The following TAFA2 variants were observed in gnomAD, a reference collection of about 807,000 sequenced individuals.
TAFA2 encodes the protein TAFA chemokine like family member 2, also known as chemokine-like protein TAFA-2.
Under a neutral mutation model 18.8 loss-of-function variants are expected in TAFA2, and 7 were observed. The ratio of observed to expected loss-of-function variants is 0.37; its 90% CI spans 0.21 to 0.70. TAFA2 has a LOEUF of 0.70. TAFA2 is among the 30% of genes least tolerant of loss of function. TAFA2 has a pLI of 0.53. For missense variants in TAFA2, 122 were observed against 158.1 expected, an observed-to-expected ratio of 0.77 and a Z score of 1.23; for synonymous variants, 60 against 54.2, an observed-to-expected ratio of 1.11 and a Z score of -0.47.
At chr12:61,917,089 T>C (rs1185410697) in intron 1 of TAFA2, among the ~76,000 whole-genome samples, 1 of 152,022 alleles carries the variant, frequency 6.6e-6, no homozygotes, top group Non-Finnish European at 1.5e-5. Flanking sequence ...TATACAAGGA[T>C]AGGAGAGGGA....
chr12:61,828,187 A>T (rs11174188), intron 2 of TAFA2, among the ~76,000 whole-genome samples: 9,513 of 151,908 alleles, frequency 0.063, 997 homozygotes, highest in African/African-American at 0.22. Flanking sequence ...TTAGTGTATC[A>T]TGTATTCTAC....
chr12:61,895,552 G>C lies in TAFA2; in HGVS notation c.-1-28126C>G, dbSNP rs182625718. On this transcript the variant is annotated intron_variant, in intron 1 of 4. Transcript: ENST00000416284. ...CCAAAGCAAGCACAAATACAGTGTGGTAAAGAGTTGGAGAGAACAGTTCAC... is the reference window on the plus strand; with the variant it reads ...CCAAAGCAAGCACAAATACAGTGTGCTAAAGAGTTGGAGAGAACAGTTCAC... Among the ~76,000 whole-genome samples the C allele has an allele frequency of 3.0e-4, 46 of 152,244 alleles. 1 individual carries two copies. Among genetic ancestry groups the C allele is most frequent in the Admixed American group, 2.9e-3 (45 of 15,288 alleles).
chr12:62,157,176 T>A (rs1365294998), intron 1 of TAFA2, among the ~76,000 whole-genome samples: 1 of 152,222 alleles, frequency 6.6e-6, no homozygotes, highest in African/African-American at 2.4e-5. Context: ...TTATCTTCAA[T>A]ATCCAACAAC....
chr12:61,740,780 T>C (rs1868408162), intron 4 of TAFA2, among the ~76,000 whole-genome samples: 1 of 151,252 alleles, frequency 6.6e-6, no homozygotes, highest in East Asian at 1.9e-4. Flanking sequence ...AAGCAGAACC[T>C]CAACAAAATA....
intron 2 of TAFA2, among the ~76,000 whole-genome samples, chr12:61,824,689 A>G (rs1453970815): frequency 6.6e-6 from 1 of 152,196 alleles, no homozygotes; most frequent in Non-Finnish European, 1.5e-5. Flanking sequence ...GAGTTTACCA[A>G]TACTTATAGT....
chr12:62,047,529 A>C (rs1198567452), intron 1 of TAFA2, among the ~76,000 whole-genome samples: 1 of 152,194 alleles, frequency 6.6e-6, no homozygotes, highest in African/African-American at 2.4e-5. Flanking sequence ...GTTAGATGCC[A>C]GGTTTATTTG....
chr12:61,929,739 A>C (rs963002565), intron 1 of TAFA2, among the ~76,000 whole-genome samples: 1 of 152,056 alleles, frequency 6.6e-6, no homozygotes, highest in South Asian at 2.1e-4. Context: ...ACAATAGCAA[A>C]GACTTGGAAC....
chr12:62,008,794 C>T (rs1880639503), intron 1 of TAFA2, among the ~76,000 whole-genome samples: 1 of 152,090 alleles, frequency 6.6e-6, no homozygotes, highest in Non-Finnish European at 1.5e-5. Flanking sequence ...TTGACAAATG[C>T]CTGACACTAT....
chr12:61,720,616 G>A (rs1869851023), intron 4 of TAFA2: 1 of 217,548 alleles, frequency 4.6e-6, no homozygotes, highest in Non-Finnish European at 9.4e-6. Flanking sequence ...GAAATCAGGG[G>A]CACTTAAATG....
intron 1 of TAFA2, among the ~76,000 whole-genome samples, chr12:61,988,042 A>G (rs1226986206): frequency 6.6e-6 from 1 of 152,190 alleles, no homozygotes; most frequent in Non-Finnish European, 1.5e-5. Flanking sequence ...GATACAGTGG[A>G]TAACAGCCAG....
chr12:61,781,974 A>T (rs1592384816), intron 2 of TAFA2, among the ~76,000 whole-genome samples: 1 of 151,526 alleles, frequency 6.6e-6, no homozygotes, highest in African/African-American at 2.4e-5. Flanking sequence ...ACATGTTTCA[A>T]TTTTTTTTCC....
intron 1 of TAFA2, among the ~76,000 whole-genome samples, chr12:61,904,764 C>T (rs1027136790): frequency 5.3e-5 from 8 of 151,956 alleles, no homozygotes; most frequent in African/African-American, 1.9e-4. Context: ...TCATTCGGTC[C>T]CACTGGAAAA....
chr12:61,808,440 T>G (rs1307633411), intron 2 of TAFA2, among the ~76,000 whole-genome samples: 19 of 151,470 alleles, frequency 1.3e-4, no homozygotes, highest in Admixed American at 1.2e-3. Context: ...ACTAATACAG[T>G]ACATAATTGT....
chr12:62,007,142 C>T (rs1880579661), intron 1 of TAFA2, among the ~76,000 whole-genome samples: 1 of 152,048 alleles, frequency 6.6e-6, no homozygotes, highest in Non-Finnish European at 1.5e-5. Context: ...CTGACCGCTT[C>T]CTATTCCTGG....
chr12:61,993,298 C>T (rs1490234965), intron 1 of TAFA2, among the ~76,000 whole-genome samples: 1 of 152,154 alleles, frequency 6.6e-6, no homozygotes, highest in Non-Finnish European at 1.5e-5. Flanking sequence ...TTATCAATGT[C>T]TCCATTCTCA....
intron 1 of TAFA2, among the ~76,000 whole-genome samples, chr12:62,097,671 A>AT (rs1248139121): frequency 6.6e-6 from 1 of 152,178 alleles, no homozygotes; most frequent in South Asian, 2.1e-4. Context: ...TAGAAAGTCA[A>AT]TTACAGGGAC....
intron 2 of TAFA2, among the ~76,000 whole-genome samples, chr12:61,843,083 C>A (rs947863694): frequency 6.6e-6 from 1 of 151,986 alleles, no homozygotes; most frequent in East Asian, 1.9e-4. Context: ...TACCTTGGGT[C>A]TCAGAAAATG....
chr12:62,227,210 A>G (rs1253121670), intron 1 of TAFA2, among the ~76,000 whole-genome samples: 1 of 151,988 alleles, frequency 6.6e-6, no homozygotes, highest in Non-Finnish European at 1.5e-5. Context: ...TTTTCCCTCT[A>G]ACCTCTCTTA....
chr12:61,723,447 A>G (rs975827260), intron 4 of TAFA2, among the ~76,000 whole-genome samples: 1 of 152,140 alleles, frequency 6.6e-6, no homozygotes, highest in Non-Finnish European at 1.5e-5. Context: ...CAGAAGAAGG[A>G]AAGCTAGAAT....
Sources: allele counts gnomAD v4.1 joint callset (sites outside exome capture counted in the v4.1 genomes callset), GRCh38; gene constraint gnomAD v4.1.1; transcripts MANE v1.5; gene names NCBI Gene and HGNC (gene_info 2026-07-23, HGNC 2026-07-21).